Variants in SHQ1 observed in about 807,000 individuals in gnomAD.
SHQ1 encodes SHQ1, H/ACA ribonucleoprotein assembly factor, also known as protein SHQ1 homolog.
SHQ1 carries 49 observed loss-of-function variants against 53.8 expected under a neutral mutation model. The observed-to-expected ratio is 0.91, with a 90% CI of 0.72 to 1.16. The LOEUF (loss-of-function observed/expected upper bound fraction) is 1.16. Ranked by LOEUF, SHQ1 falls within the 50% of genes most tolerant of loss-of-function variation. The probability of loss-of-function intolerance (pLI) is 0.00; values close to 1 mark genes in which losing one functional copy is unlikely to be tolerated. For missense variants in SHQ1, 738 were observed against 683.1 expected (o/e 1.08, Z -0.90); for synonymous variants, 243 against 251.0 (o/e 0.97, Z 0.30).
intron 10 of SHQ1, among the ~76,000 whole-genome samples, chr3:72,768,491 A>G (rs72891624): frequency 0.011 from 1,697 of 152,358 alleles, 37 homozygotes; most frequent in African/African-American, 0.039. Flanking sequence ...TCGGTTTTAC[A>G]GGTTTTTACT....
intron 10 of SHQ1, among the ~76,000 whole-genome samples, chr3:72,778,541 T>C (rs1251357671): frequency 2.0e-5 from 3 of 152,214 alleles, no homozygotes; most frequent in African/African-American, 7.2e-5. Flanking sequence ...ATTTGTGTAA[T>C]TGTATACACT....
intron 10 of SHQ1, chr3:72,772,904 C>T: frequency 2.5e-6 from 2 of 811,096 alleles, no homozygotes; most frequent in Non-Finnish European, 4.4e-6. Context: ...CAGGCTGTTA[C>T]AACTTCTAAA....
chr3:72,744,775 A>G (rs1388074904), downstream of SHQ1, among the ~76,000 whole-genome samples: 2 of 152,232 alleles, frequency 1.3e-5, no homozygotes, highest in Non-Finnish European at 2.9e-5. Context: ...TCAGGGATTT[A>G]GATGGAATGA....
intron 10 of SHQ1, among the ~76,000 whole-genome samples, chr3:72,767,969 T>C (rs1705767328): frequency 6.6e-6 from 1 of 152,134 alleles, no homozygotes; most frequent in Non-Finnish European, 1.5e-5. Flanking sequence ...CTTTCATTCC[T>C]TGTCAGGGAG....
intron 10 of SHQ1, among the ~76,000 whole-genome samples, chr3:72,782,673 T>C (rs1388645487): frequency 6.6e-6 from 1 of 151,574 alleles, no homozygotes; most frequent in Non-Finnish European, 1.5e-5. Flanking sequence ...GATAATTATG[T>C]TATAACAAAG....
chr3:72,824,550 C>G lies in SHQ1; in HGVS notation c.601G>C (p.Ala201Pro). The G allele has an allele frequency of 6.2e-7, 1 of 1,606,320 alleles. No individual in the cohort carries two copies. Among genetic ancestry groups the G allele is most frequent in the Non-Finnish European group, 8.5e-7 (1 of 1,177,908 alleles). Residue 201 changes from alanine to proline, a missense_variant and splice_region_variant, in exon 6 of 11, where the codon GCT (alanine) becomes CCT (proline). Coordinates refer to ENST00000325599, the MANE Select transcript of SHQ1 (RefSeq NM_018130.3). ...LAKFDPDHYLADFFEDEAIEQ... is the reference protein window; with the variant it reads ...LAKFDPDHYLPDFFEDEAIEQ... ...ATCGCCTCATCTTCAAAAAAGTCAG[C>G]TCTAGGAAAAAACATTGAAAGAACT...
the SHQ1 span, among the ~76,000 whole-genome samples, chr3:72,732,376 GCCTGCCTGCCTGCCTTCCTTCCTTCCTT>G: frequency 1.0e-5 from 1 of 100,074 alleles, no homozygotes; most frequent in African/African-American, 4.2e-5. Context: ...CTGCCTGCCT[GCCTGCCTGCCTGCCTTCCTTCCTTCCTT>G]CCTTCCTTCC....
intron 10 of SHQ1, among the ~76,000 whole-genome samples, chr3:72,761,018 C>T (rs1019132448): frequency 6.6e-6 from 1 of 152,160 alleles, no homozygotes; most frequent in African/African-American, 2.4e-5. Context: ...GATTCAACAA[C>T]TATGCCACTT....
chr3:72,836,809 C>T (rs984020468), intron 4 of SHQ1, among the ~76,000 whole-genome samples: 2 of 152,256 alleles, frequency 1.3e-5, no homozygotes, highest in African/African-American at 2.4e-5. Flanking sequence ...TTCTTTTAAA[C>T]AATTGCTATG....
chr3:72,757,484 G>A (rs913972013), intron 10 of SHQ1, among the ~76,000 whole-genome samples: 8 of 70,278 alleles, frequency 1.1e-4, no homozygotes, highest in African/African-American at 1.4e-4. Context: ...TTGAACTACT[G>A]GCCTCAGCAG....
At chr3:72,793,939 T>C (rs1052860649) in intron 9 of SHQ1, 1 of 152,234 alleles carries the variant, frequency 6.6e-6, no homozygotes, top group Non-Finnish European at 1.5e-5. Flanking sequence ...GGTTTTTAAA[T>C]GAACCTAGTT....
chr3:72,784,599 C>T (rs1337374411), intron 10 of SHQ1, among the ~76,000 whole-genome samples: 5 of 152,186 alleles, frequency 3.3e-5, no homozygotes, highest in Non-Finnish European at 7.3e-5. Context: ...AAGCACCTTA[C>T]CAAGAATGAT....
At chr3:72,783,363 CTTTTTTTT>C (rs796866861) in intron 10 of SHQ1, among the ~76,000 whole-genome samples, 2 of 129,130 alleles carry the variant, frequency 1.5e-5, no homozygotes, top group Non-Finnish European at 3.2e-5. Context: ...TTTTTATACA[CTTTTTTTT>C]TTTTTTTTTT....
chr3:72,768,034 C>G (rs936099992), intron 10 of SHQ1, among the ~76,000 whole-genome samples: 4 of 151,998 alleles, frequency 2.6e-5, no homozygotes, highest in Admixed American at 6.5e-5. Context: ...AAATCCAGCC[C>G]TAGAAGGAGC....
At chr3:72,797,211 T>C (rs1006312597) in intron 9 of SHQ1, among the ~76,000 whole-genome samples, 2 of 152,056 alleles carry the variant, frequency 1.3e-5, no homozygotes, top group Non-Finnish European at 2.9e-5. Flanking sequence ...TGAGCTAAGA[T>C]CACGCCATTG....
intron 6 of SHQ1, among the ~76,000 whole-genome samples, chr3:72,823,469 T>C (rs1037975410): frequency 2.0e-5 from 3 of 152,180 alleles, no homozygotes; most frequent in African/African-American, 7.2e-5. Flanking sequence ...GGCCACTATA[T>C]ATACTATTTG....
Position 72,848,253 on chromosome 3 carries a change from C to T in SHQ1, c.88G>A (p.Asp30Asn). Reference sequence around the variant, plus strand: ...AAGTCAGACCCCTCGAAGTAGACGTCGAACTCGGAGACCCGGGCGTAGGGC... The same window carrying T: ...AAGTCAGACCCCTCGAAGTAGACGTTGAACTCGGAGACCCGGGCGTAGGGC... Reference protein sequence around the residue: ...RVPYARVSEFDVYFEGSDFKF... With the variant: ...RVPYARVSEFNVYFEGSDFKF... Residue 30 changes from aspartate (D) to asparagine (N), a missense_variant, in exon 1 of 11, where the codon GAC becomes AAC. Coordinates refer to ENST00000325599, the MANE Select transcript of SHQ1 (RefSeq NM_018130.3). 3 of 1,614,198 alleles carry T rather than the reference C, an allele frequency of 1.9e-6. No homozygotes were observed. The highest frequency in any genetic ancestry group is 2.5e-6 in the Non-Finnish European group (3 of 1,180,028).
chr3:72,730,791 T>C, the SHQ1 span, among the ~76,000 whole-genome samples: 1 of 152,148 alleles, frequency 6.6e-6, no homozygotes, highest in African/African-American at 2.4e-5. Context: ...AATCTCTCTC[T>C]CTCTCTCTCT....
intron 4 of SHQ1, among the ~76,000 whole-genome samples, chr3:72,832,758 G>A (rs1055661631): frequency 1.3e-5 from 2 of 152,126 alleles, no homozygotes; most frequent in African/African-American, 2.4e-5. Context: ...ATAAAAAACA[G>A]AATGGAATAA....
Sources: allele counts gnomAD v4.1 joint callset (sites outside exome capture counted in the v4.1 genomes callset), GRCh38; gene constraint gnomAD v4.1.1; transcripts MANE v1.5; gene names NCBI Gene and HGNC (gene_info 2026-07-23, HGNC 2026-07-21).